NYAP2: variants seen among roughly 807,000 people sequenced by gnomAD.
NYAP2 encodes the protein neuronal tyrosine-phosphorylated phosphoinositide-3-kinase adaptor 2.
In NYAP2, 23 loss-of-function variants were observed where a neutral mutation model predicts 50.4. The ratio of observed to expected loss-of-function variants is 0.46; its 90% CI spans 0.33 to 0.65. NYAP2 has a LOEUF of 0.65. Ranked by LOEUF, NYAP2 falls within the 30% of genes least tolerant of loss-of-function variation. NYAP2 has a pLI of 0.02. For synonymous variants in NYAP2, 394 were observed against 365.2 expected (o/e 1.08, Z -0.90); for missense variants, 885 against 861.0 (o/e 1.03, Z -0.35).
chr2:225,698,676 GC>G, the NYAP2 span: 2 of 151,944 alleles, frequency 1.3e-5, no homozygotes, highest in Admixed American at 1.3e-4. Context: ...CCTATTCGTG[GC>G]AAGTTCAAGA....
At chr2:225,694,531 A>C in the NYAP2 span, among the ~76,000 whole-genome samples, 1 of 151,930 alleles carries the variant, frequency 6.6e-6, no homozygotes, top group African/African-American at 2.4e-5. Context: ...CACAGTAGCA[A>C]CATTGGAGTT....
At chr2:225,665,838 G>A in the NYAP2 span, among the ~76,000 whole-genome samples, 1,282 of 22,076 alleles carry the variant, frequency 0.058, no homozygotes, top group Non-Finnish European at 0.095. Context: ...AAAAAAAAAA[G>A]CCCACCACCC....
chr2:225,459,690 C>G (rs902411890), intron 3 of NYAP2, among the ~76,000 whole-genome samples: 1 of 151,982 alleles, frequency 6.6e-6, no homozygotes, highest in Non-Finnish European at 1.5e-5. Context: ...GTCGCCCAGG[C>G]TGGAGTGCAG....
intron 5 of NYAP2, among the ~76,000 whole-genome samples, chr2:225,624,301 C>G (rs1203113901): frequency 6.6e-6 from 1 of 152,060 alleles, no homozygotes; most frequent in Non-Finnish European, 1.5e-5. Context: ...TTCAAGTGTA[C>G]CTTGATTGGG....
chr2:225,701,214 A>G, the NYAP2 span: 1 of 151,860 alleles, frequency 6.6e-6, no homozygotes, highest in Non-Finnish European at 1.5e-5. Flanking sequence ...TATGTAGAGA[A>G]AAATAAGCTG....
At chr2:225,465,585 G>A (rs558377051) in intron 3 of NYAP2, among the ~76,000 whole-genome samples, 10 of 152,168 alleles carry the variant, frequency 6.6e-5, no homozygotes, top group East Asian at 3.9e-4. Context: ...GCATGGTGGC[G>A]GGCGCCTGTA....
chr2:225,464,113 T>A (rs1040684644), intron 3 of NYAP2, among the ~76,000 whole-genome samples: 1 of 152,190 alleles, frequency 6.6e-6, no homozygotes, highest in South Asian at 2.1e-4. Context: ...TCTTCCTAGC[T>A]GCTAGGTGTG....
At chr2:225,470,347 G>A (rs1217716880) in intron 3 of NYAP2, among the ~76,000 whole-genome samples, 1 of 152,018 alleles carries the variant, frequency 6.6e-6, no homozygotes, top group Non-Finnish European at 1.5e-5. Context: ...CATTTCCCCA[G>A]TTAGTAGAAA....
chr2:225,511,367 C>CAGAGAGAG (rs1299528301), intron 3 of NYAP2, among the ~76,000 whole-genome samples: 1 of 136,922 alleles, frequency 7.3e-6, no homozygotes, highest in African/African-American at 2.9e-5. Context: ...CACACACACA[C>CAGAGAGAG]ACACACAGAG....
At chr2:225,621,069 G>C (rs1035302972) in intron 5 of NYAP2, among the ~76,000 whole-genome samples, 4 of 148,586 alleles carry the variant, frequency 2.7e-5, no homozygotes, top group Admixed American at 6.7e-5. Context: ...AGCTGAGATC[G>C]TGCCACTGCA....
intron 3 of NYAP2, among the ~76,000 whole-genome samples, chr2:225,476,611 C>G (rs1335487881): frequency 6.6e-6 from 1 of 152,040 alleles, no homozygotes; most frequent in Non-Finnish European, 1.5e-5. Flanking sequence ...CTATCACTTT[C>G]CTAAATCCAG....
intron 5 of NYAP2, among the ~76,000 whole-genome samples, chr2:225,590,337 C>T (rs1400781288): frequency 6.6e-6 from 1 of 152,132 alleles, no homozygotes; most frequent in Non-Finnish European, 1.5e-5. Flanking sequence ...ATGCGCTCAG[C>T]CTCCAGAGAA....
intron 6 of NYAP2, among the ~76,000 whole-genome samples, chr2:225,638,763 G>A (rs913952624): frequency 3.9e-5 from 6 of 152,154 alleles, no homozygotes; most frequent in Admixed American, 6.5e-5. Context: ...GCCCGTGCCA[G>A]GCCCTTGAAG....
chr2:225,433,401 T>A lies in NYAP2; in HGVS notation c.221+24300T>A, dbSNP rs932819270. On this transcript the variant is annotated intron_variant, in intron 3 of 6. Coordinates refer to ENST00000636099, the Ensembl canonical transcript of NYAP2. ...TTTGTTTGGAAAACAATATTTTCAC[T>A]GAATTTCCTCCCTTTGCCAAAATCC... Among the ~76,000 whole-genome samples, 16 of 152,134 alleles carry A rather than the reference T, an allele frequency of 1.1e-4. No individual in the cohort carries two copies. In the South Asian group the frequency reaches 2.7e-3, roughly 26 times the overall value.
the NYAP2 span, among the ~76,000 whole-genome samples, chr2:225,666,836 C>A: frequency 7.0e-6 from 1 of 142,110 alleles, no homozygotes. Context: ...ATACATATTC[C>A]CCCCCCTCCA....
chr2:225,687,652 CAT>C, the NYAP2 span, among the ~76,000 whole-genome samples: 306 of 152,212 alleles, frequency 2.0e-3, no homozygotes, highest in African/African-American at 5.7e-3. Flanking sequence ...AATATATGCA[CAT>C]ATGTGTAAAT....
intron 4 of NYAP2, among the ~76,000 whole-genome samples, chr2:225,549,959 T>C (rs1169043247): frequency 6.6e-6 from 1 of 151,436 alleles, no homozygotes; most frequent in African/African-American, 2.4e-5. Flanking sequence ...CACTCCAGCC[T>C]GGGCAACAGA....
chr2:225,487,291 T>C (rs1241185234), intron 3 of NYAP2, among the ~76,000 whole-genome samples: 14 of 152,142 alleles, frequency 9.2e-5, no homozygotes, highest in Admixed American at 9.2e-4. Context: ...ATGATGGCCC[T>C]CACAGCTCCC....
chr2:225,453,090 T>C (rs1689680127), intron 3 of NYAP2, among the ~76,000 whole-genome samples: 1 of 152,228 alleles, frequency 6.6e-6, no homozygotes, highest in Non-Finnish European at 1.5e-5. Context: ...GAATTCTAGA[T>C]GCAACTCAGT....
Sources: gnomAD v4.1 joint callset for allele counts (sites outside exome capture counted in the v4.1 genomes callset) on GRCh38, gnomAD v4.1.1 for gene constraint, MANE v1.5 for transcripts, NCBI Gene and HGNC (gene_info 2026-07-23, HGNC 2026-07-21) for gene names.